Variants in ANAPC5 observed in about 807,000 individuals in gnomAD.
ANAPC5 encodes anaphase promoting complex subunit 5.
ANAPC5 carries 60 observed loss-of-function variants against 91.3 expected under a neutral mutation model. The observed-to-expected ratio is 0.66, with a 90% CI of 0.53 to 0.81. The LOEUF (loss-of-function observed/expected upper bound fraction) is 0.81, where lower values mean the gene tolerates loss of function less well. Among genes scored for constraint, ANAPC5 ranks in the 40% least tolerant of loss-of-function variants. The probability of loss-of-function intolerance (pLI) is 0.00; values close to 1 mark genes in which losing one functional copy is unlikely to be tolerated. For missense variants in ANAPC5, 690 were observed against 931.5 expected (o/e 0.74, Z 3.37); for synonymous variants, 340 against 364.1 (o/e 0.93, Z 0.75).
At position 121,329,913 on chromosome 12, in the gene ANAPC5, C is replaced by G. The variant is rs893222764; in HGVS notation, c.1122+670G>C. Among the ~76,000 whole-genome samples the G allele has an allele frequency of 2.0e-5, 3 of 152,168 alleles. No individual in the cohort carries two copies. The South Asian group carries it at 6.2e-4, about 31-fold the overall frequency. ...TACAGGTGTGAGCCACCACGCCCAGCCAGATAAGCCTTTTCAATGCCCCTC... is the reference window on the plus strand; with the variant it reads ...TACAGGTGTGAGCCACCACGCCCAGGCAGATAAGCCTTTTCAATGCCCCTC... On this transcript the variant is annotated intron_variant, in intron 9 of 16. Transcript: ENST00000261819.
upstream of ANAPC5, among the ~76,000 whole-genome samples, chr12:121,353,594 C>T (rs1452616495): frequency 2.8e-4 from 42 of 152,150 alleles, no homozygotes; most frequent in Admixed American, 2.6e-3. Context: ...GCATCGGCCA[C>T]CACGCCCGGC....
chr12:121,309,067 T>C (rs1902054276), intron 16 of ANAPC5, among the ~76,000 whole-genome samples: 1 of 148,392 alleles, frequency 6.7e-6, no homozygotes, highest in Admixed American at 6.9e-5. Flanking sequence ...GAGAGTCACT[T>C]GAACCCGGGA....
At chr12:121,322,048 G>T (rs7297531) in intron 11 of ANAPC5, among the ~76,000 whole-genome samples, 34,325 of 150,468 alleles carry the variant, frequency 0.23, 8,635 homozygotes, top group African/African-American at 0.63. Context: ...GTATTTTTAG[G>T]AGAGACAGGG....
rs782795936 is a variant in ANAPC5 at position 121,331,419 on chromosome 12, T to A, written c.960A>T (p.Ala320=). 1.7e-5 allele frequency: 27 copies of A among 1,608,782 alleles called. No homozygotes were observed. In the Middle Eastern group the frequency reaches 5.0e-4, roughly 30 times the overall value. ...LHCRFGHYQQ[A]ELALQEAIRI... is the part of the protein sequence containing the mutation. ...TAATTGCCTCCTGCAGGGCGAGCTC[T>A]GCCTGTTGACTAATGACAGACTAAA... The change falls in exon 8 of 17, where the codon GCA becomes GCT. Residue 320 remains alanine (A), a synonymous_variant. Coordinates refer to ENST00000261819, the MANE Select transcript of ANAPC5 (RefSeq NM_016237.5).
chr12:121,309,587 A>T, intron 16 of ANAPC5, 114 bp downstream of exon 16: 1 of 1,243,350 alleles, frequency 8.0e-7, no homozygotes, highest in Non-Finnish European at 1.1e-6. Flanking sequence ...TATATTTGTG[A>T]ACACTCAGAA....
At position 121,346,931 on chromosome 12, in the gene ANAPC5, C is replaced by A. The variant is rs1555274751; in HGVS notation, c.362G>T (p.Gly121Val). 2 of 1,611,734 alleles carry A rather than the reference C, an allele frequency of 1.2e-6. No individual in the cohort carries two copies. The highest frequency in any genetic ancestry group is 1.7e-5 in the Admixed American group (1 of 59,416). The part of the protein sequence containing the change: ...FFDDLSDSFS[G>V]TEPEVHKTSV... ...TGTTTTGTGAACCTCTGGTTCAGTT[C>A]CAGAGAAAGAATCTGAAAGGTCATC... Residue 121 changes from glycine (G) to valine (V), a missense_variant, in exon 3 of 17, where the codon GGA becomes GTA. This residue lies in a region of ANAPC5 where 238 missense variants were observed against 264.9 expected (regional missense o/e 0.90). Transcript: ENST00000261819.
At chr12:121,320,609 C>CTT (rs375724639) in intron 11 of ANAPC5, 150 bp from the exon 12 acceptor site, 197 of 449,696 alleles carry the variant, frequency 4.4e-4, no homozygotes, top group South Asian at 4.9e-4. Context: ...TCTTTTCTTT[C>CTT]TTTTTTTTTT....
chr12:121,347,402 G>C (rs1210369694), intron 2 of ANAPC5: 1 of 251,794 alleles, frequency 4.0e-6, no homozygotes, highest in Non-Finnish European at 7.6e-6. Context: ...GGTGGAAGCG[G>C]AGGGATTGCT....
chr12:121,347,731 AC>A (rs1188436997), intron 2 of ANAPC5, 70 bp downstream of exon 2: 3 of 1,200,426 alleles, frequency 2.5e-6, no homozygotes, highest in Non-Finnish European at 3.7e-6. Context: ...AGAATTAACT[AC>A]CACATACCCT....
At position 121,345,839 on chromosome 12, in the gene ANAPC5, C is replaced by G. The variant is rs782269270; in HGVS notation, c.590G>C (p.Arg197Thr). ...MEKEELDVSV[R>T]EEEVSCSGPL... Reference sequence around the variant, plus strand: ...ATCCCTGTCAGAAAAGCCAAATTACCTTACAGATACATCAAGTTCTTCTTT... The same window carrying G: ...ATCCCTGTCAGAAAAGCCAAATTACGTTACAGATACATCAAGTTCTTCTTT... Residue 197 changes from arginine to threonine, a missense_variant and splice_region_variant, in exon 4 of 17, where the codon AGA (arginine) becomes ACA (threonine). By Grantham distance (71) the Arg-to-Thr change is moderately conservative (BLOSUM62 -1). Transcript: ENST00000261819. The G allele has an allele frequency of 1.9e-6, 3 of 1,612,202 alleles. No homozygotes were observed. Among genetic ancestry groups the G allele is most frequent in the African/African-American group, 1.3e-5 (1 of 74,810 alleles).
rs1363563342 is a variant in ANAPC5, at chr12:121,308,698, G to C, written c.2057-7C>G. ...TCGATGGCAGCCTCCAGAGCTGACG[G>C]AAAGGGGAAAATAACACACACATTT... On this transcript the variant is annotated splice_region_variant and splice_polypyrimidine_tract_variant and intron_variant, in intron 16 of 16. Transcript: ENST00000261819. The C allele has an allele frequency of 6.2e-7, 1 of 1,612,386 alleles. No homozygotes were observed. The highest frequency in any genetic ancestry group is 1.1e-5 in the South Asian group (1 of 91,026).
At chr12:121,349,004 C>T (rs1555274995) in intron 1 of ANAPC5, among the ~76,000 whole-genome samples, 2 of 152,192 alleles carry the variant, frequency 1.3e-5, no homozygotes, top group African/African-American at 4.8e-5. Flanking sequence ...GTGGCTCACG[C>T]CTGTAATACC....
upstream of ANAPC5, chr12:121,352,468 C>A: frequency 1.3e-6 from 1 of 767,840 alleles, no homozygotes; most frequent in Non-Finnish European, 2.1e-6. Flanking sequence ...TCCGCGTGCT[C>A]GCGGCATTTG....
chr12:121,318,189 A>T (rs1902447384), intron 15 of ANAPC5, 88 bp downstream of exon 15: 27 of 1,389,960 alleles, frequency 1.9e-5, no homozygotes, highest in Non-Finnish European at 2.4e-5. Flanking sequence ...ATGAAAACTC[A>T]TTATTATCCT....
At chr12:121,336,603 C>G (rs1451695273) in intron 6 of ANAPC5, among the ~76,000 whole-genome samples, 1 of 152,004 alleles carries the variant, frequency 6.6e-6, no homozygotes, top group Non-Finnish European at 1.5e-5. Flanking sequence ...CACTGAGAAC[C>G]CGGGAGGCAG....
rs1555274225 is a variant in ANAPC5, at chr12:121,342,792, G to A, written c.591-723C>T. On this transcript the variant is annotated intron_variant, in intron 4 of 16. Coordinates refer to ENST00000261819, the MANE Select transcript of ANAPC5 (RefSeq NM_016237.5). The surrounding 1 kb of genome is among the most constrained non-coding windows in gnomAD (Gnocchi z 4.1). ...AAAAATTGTTTGATCCCGGGAGGTGGAGGTTGCAGCGAGCCAAGATCACGC... is the reference window on the plus strand; with the variant it reads ...AAAAATTGTTTGATCCCGGGAGGTGAAGGTTGCAGCGAGCCAAGATCACGC... Among the ~76,000 whole-genome samples the A allele has an allele frequency of 6.6e-6, 1 of 152,164 alleles. No homozygotes were observed. Among genetic ancestry groups the A allele is most frequent in the African/African-American group, 2.4e-5 (1 of 41,440 alleles).
chr12:121,335,524 T>C lies in ANAPC5; in HGVS notation c.950+9A>G. On this transcript the variant is annotated intron_variant, in intron 7 of 16. Coordinates refer to ENST00000261819, the MANE Select transcript of ANAPC5 (RefSeq NM_016237.5). ...CAATTTGCGCAAGGACAAAGGTCTATAAACTTACTAGTGACCGAAGCGGCA... is the reference window on the plus strand; with the variant it reads ...CAATTTGCGCAAGGACAAAGGTCTACAAACTTACTAGTGACCGAAGCGGCA... 6.3e-7 allele frequency: 1 copy of C among 1,593,380 alleles called. No individual in the cohort carries two copies. Among genetic ancestry groups the C allele is most frequent in the Non-Finnish European group, 8.6e-7 (1 of 1,166,164 alleles).
intron 3 of ANAPC5, 73 bp from the exon 4 acceptor site, chr12:121,346,104 G>C: frequency 8.5e-7 from 1 of 1,179,642 alleles, no homozygotes; most frequent in Non-Finnish European, 1.2e-6. Context: ...ACTCCACAAT[G>C]GCAATGACTG....
chr12:121,352,365 C>A lies in ANAPC5; in HGVS notation c.-25G>T. ...TGGCGGCCCGAGACTAAGTCTCGGG[C>A]CCGCGGCGCGCTGCCGCCAGTTGTC... On this transcript the variant is annotated 5_prime_UTR_variant, in exon 1 of 17. Coordinates refer to ENST00000261819, the MANE Select transcript of ANAPC5 (RefSeq NM_016237.5). The A allele has an allele frequency of 6.4e-7, 1 of 1,570,772 alleles. No homozygotes were observed. The highest frequency in any genetic ancestry group is 8.7e-7 in the Non-Finnish European group (1 of 1,154,402).
Sources: allele counts gnomAD v4.1 joint callset (sites outside exome capture counted in the v4.1 genomes callset), GRCh38; gene constraint gnomAD v4.1.1; regional missense constraint gnomAD v4.1.1; non-coding constraint Gnocchi (gnomAD v3.1); transcripts MANE v1.5; gene names NCBI Gene and HGNC (gene_info 2026-07-23, HGNC 2026-07-21).